The following HIBADH variants were observed in gnomAD, a reference collection of about 807,000 sequenced individuals.
The protein encoded by HIBADH is 3-hydroxyisobutyrate dehydrogenase, mitochondrial.
HIBADH carries 25 observed loss-of-function variants against 36.1 expected under a neutral mutation model. That is an observed-to-expected ratio of 0.69 (90% CI 0.50 to 0.97). The LOEUF is 0.97. HIBADH is among the 50% of genes least tolerant of loss of function. HIBADH has a pLI of 0.00. For synonymous variants in HIBADH, 160 were observed against 149.5 expected (o/e 1.07, Z -0.51); for missense variants, 421 against 418.0 (o/e 1.01, Z -0.06).
At chr7:27,549,014 C>A (rs1784277088) in intron 4 of HIBADH, among the ~76,000 whole-genome samples, 1 of 151,974 alleles carries the variant, frequency 6.6e-6, no homozygotes, top group Admixed American at 6.6e-5. Flanking sequence ...TAGTTCAGAG[C>A]AGTTTAACAT....
chr7:27,573,332 T>C (rs753061223), intron 4 of HIBADH, among the ~76,000 whole-genome samples: 3 of 152,170 alleles, frequency 2.0e-5, no homozygotes, highest in Non-Finnish European at 4.4e-5. Context: ...ATCTGGTAAA[T>C]GTGGATGACC....
intron 5 of HIBADH, among the ~76,000 whole-genome samples, chr7:27,539,676 G>A (rs1448291245): frequency 6.6e-6 from 1 of 152,076 alleles, no homozygotes; most frequent in East Asian, 1.9e-4. Flanking sequence ...AATGATGAGG[G>A]GGTTAGGGGT....
At chr7:27,590,462 A>G (rs1442756453) in intron 4 of HIBADH, among the ~76,000 whole-genome samples, 1 of 152,204 alleles carries the variant, frequency 6.6e-6, no homozygotes, top group Non-Finnish European at 1.5e-5. Flanking sequence ...AGTAGGCCCC[A>G]AATTTCCAAA....
At chr7:27,565,774 T>A (rs1358389219) in intron 4 of HIBADH, among the ~76,000 whole-genome samples, 1 of 152,180 alleles carries the variant, frequency 6.6e-6, no homozygotes, top group East Asian at 1.9e-4. Flanking sequence ...AGCTATAGGT[T>A]GTTTTTGTTT....
intron 2 of HIBADH, among the ~76,000 whole-genome samples, chr7:27,636,685 G>C (rs899059806): frequency 1.1e-4 from 16 of 152,344 alleles, no homozygotes; most frequent in African/African-American, 3.6e-4. Flanking sequence ...CACAGAAGTG[G>C]TGCATACATC....
intron 4 of HIBADH, among the ~76,000 whole-genome samples, chr7:27,561,964 A>G (rs1323165457): frequency 1.3e-5 from 2 of 152,154 alleles, no homozygotes; most frequent in African/African-American, 4.8e-5. Flanking sequence ...CATGGTATGT[A>G]AGAAAAAGAT....
intron 4 of HIBADH, among the ~76,000 whole-genome samples, chr7:27,604,046 C>T (rs1172770204): frequency 6.6e-6 from 1 of 152,042 alleles, no homozygotes; most frequent in Non-Finnish European, 1.5e-5. Flanking sequence ...GACAGTATTG[C>T]CTTTTATATC....
At chr7:27,662,205 C>T (rs1786436653) in intron 1 of HIBADH, among the ~76,000 whole-genome samples, 1 of 152,154 alleles carries the variant, frequency 6.6e-6, no homozygotes, top group South Asian at 2.1e-4. Context: ...TGTACAGCCA[C>T]CGCTTGTGTA....
intron 4 of HIBADH, among the ~76,000 whole-genome samples, chr7:27,604,192 T>C (rs1418713883): frequency 6.6e-6 from 1 of 152,158 alleles, no homozygotes; most frequent in East Asian, 1.9e-4. Flanking sequence ...CTCATTATCA[T>C]TATTTTTCAA....
chr7:27,634,260 A>G (rs574268975), intron 2 of HIBADH, among the ~76,000 whole-genome samples: 2 of 152,340 alleles, frequency 1.3e-5, no homozygotes, highest in South Asian at 4.1e-4. Context: ...AGCATTTTAT[A>G]ATCTACAATG....
intron 4 of HIBADH, among the ~76,000 whole-genome samples, chr7:27,570,024 T>G (rs779002065): frequency 1.9e-4 from 29 of 152,200 alleles, no homozygotes; most frequent in Non-Finnish European, 3.1e-4. Flanking sequence ...TTCTTGTTGT[T>G]TGCACCTGTG....
intron 4 of HIBADH, among the ~76,000 whole-genome samples, chr7:27,581,602 A>C (rs1165282928): frequency 6.6e-6 from 1 of 152,180 alleles, no homozygotes; most frequent in African/African-American, 2.4e-5. Flanking sequence ...GATTTATGAT[A>C]TACAACATAT....
chr7:27,629,795 A>T (rs764344396), intron 3 of HIBADH, among the ~76,000 whole-genome samples: 1 of 152,172 alleles, frequency 6.6e-6, no homozygotes, highest in Non-Finnish European at 1.5e-5. Flanking sequence ...AATAAACATG[A>T]AGCTAAGATG....
Position 27,596,818 on chromosome 7 carries a change from A to T in HIBADH, c.484+32553T>A, listed in dbSNP as rs142733602. 2.1e-4 allele frequency among the ~76,000 whole-genome samples: 32 copies of T among 152,310 alleles called. No individual in the cohort carries two copies. The East Asian group carries it at 4.4e-3, about 21-fold the overall frequency. ...ATCCAAAATCTGAAATGCTCCAATG[A>T]GCATTTCCTTTGAACATCATGTCAG... On this transcript the variant is annotated intron_variant, in intron 4 of 7. Transcript: ENST00000265395.
At chr7:27,607,596 T>A (rs531082177) in intron 4 of HIBADH, among the ~76,000 whole-genome samples, 1 of 152,322 alleles carries the variant, frequency 6.6e-6, no homozygotes, top group South Asian at 2.1e-4. Flanking sequence ...CTCAAAATTA[T>A]CATTTATTTT....
chr7:27,571,347 C>T (rs1023181579), intron 4 of HIBADH, among the ~76,000 whole-genome samples: 1 of 152,012 alleles, frequency 6.6e-6, no homozygotes, highest in African/African-American at 2.4e-5. Context: ...CTCAGACTCC[C>T]GAGTAGCTGG....
chr7:27,529,270 C>T (rs1783957609), intron 7 of HIBADH, among the ~76,000 whole-genome samples: 1 of 152,140 alleles, frequency 6.6e-6, no homozygotes, highest in Admixed American at 6.6e-5. Flanking sequence ...CATTTTTCAA[C>T]TCTTATGTGA....
At chr7:27,585,215 G>A (rs779605252) in intron 4 of HIBADH, among the ~76,000 whole-genome samples, 13 of 150,762 alleles carry the variant, frequency 8.6e-5, no homozygotes, top group East Asian at 1.9e-4. Context: ...ATAAAAGTAC[G>A]TGTGTATATT....
intron 4 of HIBADH, among the ~76,000 whole-genome samples, chr7:27,560,571 CGTT>C (rs1202541657): frequency 6.6e-6 from 1 of 152,120 alleles, no homozygotes; most frequent in African/African-American, 2.4e-5. Flanking sequence ...ATAAATATAT[CGTT>C]GTTTCTTCTT....
Sources: gnomAD v4.1 joint callset for allele counts (sites outside exome capture counted in the v4.1 genomes callset) on GRCh38, gnomAD v4.1.1 for gene constraint, MANE v1.5 for transcripts, NCBI Gene and HGNC (gene_info 2026-07-23, HGNC 2026-07-21) for gene names.